The following PLCL2 variants were observed in gnomAD, a reference collection of about 807,000 sequenced individuals.
PLCL2 encodes the protein inactive phospholipase C-like protein 2.
PLCL2 carries 4 observed loss-of-function variants against 79.6 expected under a neutral mutation model. That is an observed-to-expected ratio of 0.05 (90% CI 0.02 to 0.11). PLCL2 has a LOEUF of 0.11. Ranked by LOEUF, PLCL2 falls within the 10% of genes least tolerant of loss-of-function variation. The pLI is 1.00. For missense variants in PLCL2, 895 were observed against 1,291.0 expected, an observed-to-expected ratio of 0.69 and a Z score of 4.70; for synonymous variants, 484 against 457.7, an observed-to-expected ratio of 1.06 and a Z score of -0.73.
intron 1 of PLCL2, among the ~76,000 whole-genome samples, chr3:16,905,483 A>G (rs183314363): frequency 1.3e-5 from 2 of 152,238 alleles, no homozygotes; most frequent in Admixed American, 6.5e-5. Flanking sequence ...TATCTGTGCA[A>G]TTTACATTCA....
Position 17,054,350 on chromosome 3 carries a change from A to C in PLCL2, c.3094+11401A>C, listed in dbSNP as rs9857568. Among the ~76,000 whole-genome samples the C allele has an allele frequency of 2.2e-3, 340 of 152,196 alleles. 2 individuals are homozygous for C. Among genetic ancestry groups the C allele is most frequent in the African/African-American group, 7.6e-3 (317 of 41,530 alleles). On this transcript the variant is annotated intron_variant, in intron 4 of 5. Coordinates refer to ENST00000615277, the MANE Select transcript of PLCL2 (RefSeq NM_001144382.2). ...TCACTATCAGTATTTTGGTCACAAC[A>C]ATTTAACAAGTCTCTAGGAAGTTCC...
At position 17,009,839 on chromosome 3, in the gene PLCL2, C is replaced by A. The variant is rs749321876; in HGVS notation, c.493C>A (p.Leu165Met). The A allele has an allele frequency of 1.9e-6, 3 of 1,613,686 alleles. No homozygotes were observed. The highest frequency in any genetic ancestry group is 1.3e-5 in the African/African-American group (1 of 74,912). Reference protein sequence around the residue: ...NSRIYHRYFLLDADMQSLRWE... With the variant: ...NSRIYHRYFLMDADMQSLRWE... ...TAGAATTTATCATAGGTACTTTTTA[C>A]TGGATGCTGACATGCAGAGCCTAAG... Residue 165 changes from leucine (L) to methionine (M), a missense_variant, in exon 2 of 6, where the codon CTG becomes ATG. Around this residue, in one of 6 missense-constraint regions of PLCL2, gnomAD observed 129 missense variants for 208.8 expected, o/e 0.62. Coordinates refer to ENST00000615277, the MANE Select transcript of PLCL2 (RefSeq NM_001144382.2). The surrounding 1 kb of genome is among the most constrained non-coding windows in gnomAD (Gnocchi z 4.0).
At chr3:16,951,241 T>G (rs1219160053) in intron 1 of PLCL2, among the ~76,000 whole-genome samples, 1 of 152,116 alleles carries the variant, frequency 6.6e-6, no homozygotes, top group Non-Finnish European at 1.5e-5. Flanking sequence ...TTTGAGCACC[T>G]TTTCTATTTT....
At chr3:16,897,394 C>A (rs948506752) in intron 1 of PLCL2, among the ~76,000 whole-genome samples, 1 of 151,854 alleles carries the variant, frequency 6.6e-6, no homozygotes, top group Non-Finnish European at 1.5e-5. Flanking sequence ...TAGTTCCTGG[C>A]GAGTCCCTGG....
chr3:16,926,112 T>G (rs1040601427), intron 1 of PLCL2, among the ~76,000 whole-genome samples: 1 of 152,238 alleles, frequency 6.6e-6, no homozygotes, highest in African/African-American at 2.4e-5. Flanking sequence ...ATTATTATTT[T>G]TTTTGATCAG....
chr3:17,013,881 C>T (rs2064355254), intron 2 of PLCL2, among the ~76,000 whole-genome samples: 1 of 152,236 alleles, frequency 6.6e-6, no homozygotes, highest in Non-Finnish European at 1.5e-5. Context: ...CACTTACTAG[C>T]TGTGTGACGC....
At chr3:17,027,915 C>T (rs1353910372) in intron 3 of PLCL2, among the ~76,000 whole-genome samples, 1 of 152,218 alleles carries the variant, frequency 6.6e-6, no homozygotes, top group African/African-American at 2.4e-5. Context: ...GCCCGTGAGG[C>T]AAGCATGCTA....
intron 4 of PLCL2, among the ~76,000 whole-genome samples, chr3:17,062,068 G>A (rs1198357018): frequency 6.6e-6 from 1 of 152,150 alleles, no homozygotes; most frequent in Non-Finnish European, 1.5e-5. Flanking sequence ...TGGGGTCATG[G>A]AGTCAAAGGA....
At chr3:16,974,113 T>C (rs928246813) in intron 1 of PLCL2, among the ~76,000 whole-genome samples, 8 of 149,312 alleles carry the variant, frequency 5.4e-5, no homozygotes, top group African/African-American at 2.0e-4. Context: ...TCAGGGAGAG[T>C]GGTGGGGAGA....
intron 1 of PLCL2, among the ~76,000 whole-genome samples, chr3:16,966,412 C>A (rs923567416): frequency 1.3e-5 from 2 of 151,982 alleles, no homozygotes; most frequent in African/African-American, 4.8e-5. Context: ...TTGCTGGATT[C>A]GGTTTGCCAG....
At chr3:17,000,945 G>A (rs1037384593) in intron 1 of PLCL2, among the ~76,000 whole-genome samples, 22 of 152,098 alleles carry the variant, frequency 1.4e-4, no homozygotes, top group African/African-American at 5.1e-4. Flanking sequence ...ATCCAGCAGA[G>A]GGATTACTGG....
chr3:16,958,987 C>G (rs1314856043), intron 1 of PLCL2, among the ~76,000 whole-genome samples: 1 of 152,210 alleles, frequency 6.6e-6, no homozygotes, highest in Non-Finnish European at 1.5e-5. Context: ...ACCAACACCT[C>G]AGACCATCCT....
intron 4 of PLCL2, among the ~76,000 whole-genome samples, chr3:17,059,967 A>T (rs1018047078): frequency 1.3e-5 from 2 of 152,126 alleles, no homozygotes; most frequent in African/African-American, 4.8e-5. Context: ...GAAAGTATCG[A>T]TGTGAAAGTG....
At chr3:17,059,623 T>G (rs769065829) in intron 4 of PLCL2, among the ~76,000 whole-genome samples, 8 of 151,898 alleles carry the variant, frequency 5.3e-5, no homozygotes, top group Non-Finnish European at 8.8e-5. Context: ...AGAGAAACCA[T>G]GTGTGTTATT....
chr3:17,063,983 T>C (rs1467404873), intron 4 of PLCL2, among the ~76,000 whole-genome samples: 1 of 152,244 alleles, frequency 6.6e-6, no homozygotes, highest in Non-Finnish European at 1.5e-5. Flanking sequence ...TCACTCTATC[T>C]AGTCTTTAGA....
At chr3:16,982,714 G>A (rs969153788) in intron 1 of PLCL2, among the ~76,000 whole-genome samples, 5 of 151,962 alleles carry the variant, frequency 3.3e-5, no homozygotes, top group South Asian at 2.1e-4. Flanking sequence ...CCGCTCCTGC[G>A]TCATAGCCAA....
intron 1 of PLCL2, among the ~76,000 whole-genome samples, chr3:16,920,146 T>G (rs1372364891): frequency 2.6e-5 from 4 of 152,166 alleles, no homozygotes; most frequent in Non-Finnish European, 5.9e-5. Flanking sequence ...GTAGTTGAGT[T>G]ACTTTGACCT....
At chr3:16,906,550 TTAA>T (rs1161090077) in intron 1 of PLCL2, among the ~76,000 whole-genome samples, 1 of 152,188 alleles carries the variant, frequency 6.6e-6, no homozygotes, top group African/African-American at 2.4e-5. Context: ...TTTTACTGTA[TTAA>T]TATCAGTAAT....
At chr3:16,963,909 A>G (rs765735010) in intron 1 of PLCL2, among the ~76,000 whole-genome samples, 1 of 152,110 alleles carries the variant, frequency 6.6e-6, no homozygotes, top group Non-Finnish European at 1.5e-5. Flanking sequence ...GTGTTGGTTT[A>G]CTTTCTTATA....
Sources: gnomAD v4.1 joint callset for allele counts (sites outside exome capture counted in the v4.1 genomes callset) on GRCh38, gnomAD v4.1.1 for gene constraint, gnomAD v4.1.1 regional missense constraint, Gnocchi (gnomAD v3.1) non-coding constraint, MANE v1.5 for transcripts, NCBI Gene and HGNC (gene_info 2026-07-23, HGNC 2026-07-21) for gene names.